NDST3: variants seen among roughly 807,000 people sequenced by gnomAD.
NDST3 encodes the protein bifunctional heparan sulfate N-deacetylase/N-sulfotransferase 3.
In NDST3, 58 loss-of-function variants were observed where a neutral mutation model predicts 96.1. The ratio of observed to expected loss-of-function variants is 0.60; its 90% CI spans 0.49 to 0.75. NDST3 has a LOEUF of 0.75. Ranked by LOEUF, NDST3 falls within the 30% of genes least tolerant of loss-of-function variation. The pLI, the probability that NDST3 is intolerant of heterozygous loss-of-function variation, is 0.00. For missense variants in NDST3, 788 were observed against 1,034.2 expected (o/e 0.76, Z 3.27); for synonymous variants, 333 against 359.7 (o/e 0.93, Z 0.84).
intron 3 of NDST3, among the ~76,000 whole-genome samples, chr4:118,105,900 A>G (rs1730141429): frequency 1.3e-5 from 2 of 152,222 alleles, no homozygotes; most frequent in African/African-American, 4.8e-5. Context: ...CAGTTTTTCA[A>G]AATGGTTGTA....
At chr4:118,220,405 G>A (rs1739462380) in intron 6 of NDST3, among the ~76,000 whole-genome samples, 1 of 151,828 alleles carries the variant, frequency 6.6e-6, no homozygotes, top group Non-Finnish European at 1.5e-5. Context: ...TGAACAATGA[G>A]AACACATGGA....
chr4:118,224,665 C>T lies in NDST3; in HGVS notation c.1714C>T (p.Leu572Phe). 6.3e-7 allele frequency: 1 copy of T among 1,584,738 alleles called. No homozygotes were observed. The highest frequency in any genetic ancestry group is 8.6e-7 in the Non-Finnish European group (1 of 1,165,982). ...FELFPDQKDP[L>F]WQNPCDDKRH... ...GCTGTTTCCTGATCAGAAAGACCCTCTCTGGCAGGTAAAATTAATTAAATA... is the reference window on the plus strand; with the variant it reads ...GCTGTTTCCTGATCAGAAAGACCCTTTCTGGCAGGTAAAATTAATTAAATA... The change falls in exon 7 of 14, where the codon CTC becomes TTC. Residue 572 changes from leucine (L) to phenylalanine (F), a missense_variant. By Grantham distance (22) the Leu-to-Phe change is conservative. Around this residue, in one of 3 missense-constraint regions of NDST3, gnomAD observed 490 missense variants for 708.8 expected, o/e 0.69. Coordinates refer to ENST00000296499, the MANE Select transcript of NDST3 (RefSeq NM_004784.3).
intron 6 of NDST3, among the ~76,000 whole-genome samples, chr4:118,149,414 ATCC>A (rs1291396141): frequency 6.6e-6 from 1 of 150,794 alleles, no homozygotes; most frequent in East Asian, 2.0e-4. Context: ...ATTTGTTTGT[ATCC>A]TCTTTTATTT....
chr4:118,255,162 A>T (rs1328212247), intron 13 of NDST3, among the ~76,000 whole-genome samples: 2 of 152,228 alleles, frequency 1.3e-5, no homozygotes, highest in African/African-American at 4.8e-5. Context: ...TCTAACACAG[A>T]CCTTATTAAA....
intron 2 of NDST3, among the ~76,000 whole-genome samples, chr4:118,076,341 C>G (rs985971938): frequency 2.0e-4 from 31 of 152,100 alleles, no homozygotes; most frequent in African/African-American, 6.0e-4. Flanking sequence ...TAATGTTGGC[C>G]TTTCTCACAA....
chr4:118,249,285 A>G (rs1189328066), intron 12 of NDST3, among the ~76,000 whole-genome samples: 1 of 152,202 alleles, frequency 6.6e-6, no homozygotes, highest in Non-Finnish European at 1.5e-5. Flanking sequence ...TGGATTCTGA[A>G]TTTTGATCAC....
At chr4:118,115,624 G>T (rs927567492) in intron 4 of NDST3, among the ~76,000 whole-genome samples, 1 of 152,122 alleles carries the variant, frequency 6.6e-6, no homozygotes, top group African/African-American at 2.4e-5. Context: ...ATACTGAAGG[G>T]TTTATATTCA....
intron 1 of NDST3, among the ~76,000 whole-genome samples, chr4:118,042,053 A>G (rs538459387): frequency 6.6e-6 from 1 of 152,324 alleles, no homozygotes; most frequent in East Asian, 1.9e-4. Flanking sequence ...TAACCTGTCA[A>G]TTCCAAAGAT....
At position 118,257,532 on chromosome 4, in the gene NDST3, G is replaced by T. The variant is rs1742190628; in HGVS notation, c.*1820G>T. 6.6e-6 allele frequency: 1 copy of T among 151,836 alleles called. No homozygotes were observed. The highest frequency in any genetic ancestry group is 2.1e-4 in the South Asian group (1 of 4,804). The allele number at this position is 151,836 out of a possible 1,614,324, so 9.4% of individuals were successfully genotyped here. ...TAAGCCTTTATAAAATATTATCAAA[G>T]GTATGATTAGAAACAAATGGGAGGA... is the stretch of plus-strand genomic sequence containing the variant. On this transcript the variant is annotated 3_prime_UTR_variant, in exon 14 of 14. Coordinates refer to ENST00000296499, the MANE Select transcript of NDST3 (RefSeq NM_004784.3).
chr4:118,077,442 C>T (rs1727639803), intron 2 of NDST3, among the ~76,000 whole-genome samples: 2 of 152,186 alleles, frequency 1.3e-5, no homozygotes, highest in Admixed American at 6.5e-5. Flanking sequence ...AGACTCTTGG[C>T]GGCATGGCTC....
intron 6 of NDST3, among the ~76,000 whole-genome samples, chr4:118,184,738 T>C (rs1410646821): frequency 6.6e-6 from 1 of 152,116 alleles, no homozygotes; most frequent in Non-Finnish European, 1.5e-5. Flanking sequence ...ACATAATTTA[T>C]TAGTAGAAAT....
intron 2 of NDST3, among the ~76,000 whole-genome samples, chr4:118,057,252 T>C (rs1476191362): frequency 6.6e-6 from 1 of 152,034 alleles, no homozygotes; most frequent in Non-Finnish European, 1.5e-5. Context: ...TTGTTGATGA[T>C]GTGAACAACA....
chr4:118,098,428 A>T (rs1328427201), intron 2 of NDST3, among the ~76,000 whole-genome samples: 1 of 152,034 alleles, frequency 6.6e-6, no homozygotes, highest in Non-Finnish European at 1.5e-5. Flanking sequence ...TGTCAACCAT[A>T]AGCTAAATAG....
intron 12 of NDST3, among the ~76,000 whole-genome samples, chr4:118,246,468 T>C (rs978785893): frequency 9.9e-5 from 15 of 152,148 alleles, no homozygotes; most frequent in Admixed American, 5.9e-4. Context: ...TAGTTGGGCA[T>C]GGTGGCAGGC....
At chr4:118,238,740 G>A (rs913086229) in intron 10 of NDST3, among the ~76,000 whole-genome samples, 2 of 152,190 alleles carry the variant, frequency 1.3e-5, no homozygotes, top group African/African-American at 4.8e-5. Context: ...GTATAAACAA[G>A]CATATAAATT....
intron 10 of NDST3, among the ~76,000 whole-genome samples, chr4:118,238,888 C>T (rs1232457905): frequency 6.6e-6 from 1 of 152,180 alleles, no homozygotes; most frequent in East Asian, 1.9e-4. Flanking sequence ...GGGAAAGATA[C>T]GTAAGGGGAT....
chr4:118,037,295 A>C (rs1724204381), intron 1 of NDST3, among the ~76,000 whole-genome samples: 1 of 152,236 alleles, frequency 6.6e-6, no homozygotes, highest in African/African-American at 2.4e-5. Context: ...TTTTACTCAT[A>C]GAATAGTTAC....
intron 12 of NDST3, among the ~76,000 whole-genome samples, chr4:118,245,789 C>A (rs79499268): frequency 0.11 from 17,258 of 151,700 alleles, 1,316 homozygotes; most frequent in South Asian, 0.19. Flanking sequence ...TCCTATATAT[C>A]TCTCTCTCTT....
chr4:118,115,536 TAAACAGTTAAAAGC>T (rs1731017800), intron 4 of NDST3, among the ~76,000 whole-genome samples: 1 of 152,204 alleles, frequency 6.6e-6, no homozygotes, highest in Non-Finnish European at 1.5e-5. Flanking sequence ...AGACTCAATC[TAAACAGTTAAAAGC>T]ATTGCAAACA....
Sources: allele counts gnomAD v4.1 joint callset (sites outside exome capture counted in the v4.1 genomes callset), GRCh38; gene constraint gnomAD v4.1.1; regional missense constraint gnomAD v4.1.1; transcripts MANE v1.5; gene names NCBI Gene and HGNC (gene_info 2026-07-23, HGNC 2026-07-21).